Variants in PITPNM2 observed in about 807,000 individuals in gnomAD.
PITPNM2 encodes phosphatidylinositol transfer protein membrane associated 2, also known as membrane-associated phosphatidylinositol transfer protein 2.
In PITPNM2, 35 loss-of-function variants were observed where a neutral mutation model predicts 132.2. That is an observed-to-expected ratio of 0.26 (90% confidence interval 0.20 to 0.35). The LOEUF (loss-of-function observed/expected upper bound fraction) is 0.35, where lower values mean the gene tolerates loss of function less well. Among genes scored for constraint, PITPNM2 ranks in the 10% least tolerant of loss-of-function variants. PITPNM2 has a pLI of 1.00. For missense variants in PITPNM2, 1,332 were observed against 1,912.0 expected, an observed-to-expected ratio of 0.70 and a Z score of 5.66; for synonymous variants, 738 against 799.2, an observed-to-expected ratio of 0.92 and a Z score of 1.29.
chr12:122,997,207 G>A, intron 11 of PITPNM2, 118 bp downstream of exon 11: 1 of 1,461,792 alleles, frequency 6.8e-7, no homozygotes, highest in Admixed American at 1.9e-5. Context: ...GAAGGGGCTG[G>A]CCGGTGGGTC....
chr12:123,134,128 T>C (rs1015156088), intron 1 of PITPNM2, among the ~76,000 whole-genome samples: 1 of 152,108 alleles, frequency 6.6e-6, no homozygotes, highest in African/African-American at 2.4e-5. Flanking sequence ...TGCAGAGGCG[T>C]GATCTTGGCT....
At position 123,106,425 on chromosome 12, in the gene PITPNM2, G is replaced by A. The variant is rs2042712999; in HGVS notation, c.-96+3960C>T. On this transcript the variant is annotated intron_variant, in intron 2 of 25. Coordinates refer to ENST00000320201, the MANE Select transcript of PITPNM2 (RefSeq NM_020845.3). The surrounding 1 kb of genome is among the most constrained non-coding windows in gnomAD (Gnocchi z 4.4). ...ATAATTCCTTTAAAAAAAAAAACAGGAAGAAAAGAAAGTACATTCTCAGGA... is the reference window on the plus strand; with the variant it reads ...ATAATTCCTTTAAAAAAAAAAACAGAAAGAAAAGAAAGTACATTCTCAGGA... Among the ~76,000 whole-genome samples the A allele has an allele frequency of 1.3e-5, 2 of 151,894 alleles. No homozygotes were observed. The highest frequency in any genetic ancestry group is 2.1e-4 in the South Asian group (1 of 4,812).
intron 2 of PITPNM2, chr12:123,081,654 A>G (rs1232395119): frequency 1.3e-5 from 2 of 152,234 alleles, no homozygotes; most frequent in Admixed American, 6.5e-5. Context: ...AACTTCTCCA[A>G]CAGGGCGGGG....
chr12:123,020,373 C>T (rs993573569), intron 3 of PITPNM2, among the ~76,000 whole-genome samples: 4 of 151,994 alleles, frequency 2.6e-5, no homozygotes, highest in African/African-American at 4.8e-5. Context: ...TGCCCGCCTC[C>T]GCCTCCCAAA....
chr12:123,143,433 A>C (rs534239034), intron 1 of PITPNM2, among the ~76,000 whole-genome samples: 4 of 152,228 alleles, frequency 2.6e-5, no homozygotes, highest in African/African-American at 9.6e-5. Context: ...AAGGGGAAAT[A>C]AACAGCTCTG....
rs2042369569 is a variant in PITPNM2 at position 123,095,012 on chromosome 12, T to G, written c.-96+15373A>C. ...TCGTGGCGCACTGAAGCAAGCATGT[T>G]TATCCTTCCCTCATACAACACTTTT... On this transcript the variant is annotated intron_variant, in intron 2 of 25. Coordinates refer to ENST00000320201, the MANE Select transcript of PITPNM2 (RefSeq NM_020845.3). The surrounding 1 kb of genome is among the most constrained non-coding windows in gnomAD (Gnocchi z 5.0). Among the ~76,000 whole-genome samples, 1 of 152,232 alleles carries G rather than the reference T, an allele frequency of 6.6e-6. No individual in the cohort carries two copies. Among genetic ancestry groups the G allele is most frequent in the African/African-American group, 2.4e-5 (1 of 41,462 alleles).
At chr12:123,071,531 C>A (rs1035676440) in intron 2 of PITPNM2, among the ~76,000 whole-genome samples, 3 of 152,208 alleles carry the variant, frequency 2.0e-5, no homozygotes, top group African/African-American at 7.2e-5. Context: ...GATGATCACA[C>A]CTCCTGACAG....
In PITPNM2 at chr12:122,988,602, G is replaced by C. The variant is rs1024397091; in HGVS notation, c.2880+122C>G. On this transcript the variant is annotated intron_variant, in intron 19 of 25. Coordinates refer to ENST00000320201, the MANE Select transcript of PITPNM2 (RefSeq NM_020845.3). ...CCGAGCATAAAGGTGCCCTCATCTT[G>C]CTTGCTCTGTGATCTGATGGGGTTG... is the stretch of plus-strand genomic sequence containing the variant. The C allele has an allele frequency of 9.1e-6, 10 of 1,101,770 alleles. No homozygotes were observed. In the East Asian group the frequency reaches 2.3e-4, roughly 26 times the overall value. The allele number at this position is 1,101,770 out of a possible 1,614,324, so 68.2% of individuals were successfully genotyped here. A position where few individuals can be genotyped will look rare whatever the true frequency, so the allele number is the denominator to read the frequency against.
intron 2 of PITPNM2, among the ~76,000 whole-genome samples, chr12:123,063,682 G>A (rs990800601): frequency 2.0e-5 from 3 of 152,118 alleles, no homozygotes; most frequent in African/African-American, 7.2e-5. Flanking sequence ...CACGAGACCA[G>A]GCTCCAGGTC....
intron 1 of PITPNM2, among the ~76,000 whole-genome samples, chr12:123,147,542 A>C (rs2043642846): frequency 1.3e-5 from 2 of 152,198 alleles, no homozygotes; most frequent in Admixed American, 1.3e-4. Context: ...TAAAGAATAT[A>C]TATAGAGAGA....
rs2039713138 is a variant in PITPNM2 at position 123,022,652 on chromosome 12, G to A, written c.79-8610C>T. 1.3e-5 allele frequency among the ~76,000 whole-genome samples: 2 copies of A among 152,232 alleles called. 1 individual carries two copies. Among genetic ancestry groups the A allele is most frequent in the South Asian group, 4.1e-4 (2 of 4,830 alleles). On this transcript the variant is annotated intron_variant, in intron 3 of 25. Coordinates refer to ENST00000320201, the MANE Select transcript of PITPNM2 (RefSeq NM_020845.3). The surrounding 1 kb of genome is among the most constrained non-coding windows in gnomAD (Gnocchi z 4.9). ...CACAAGTAAGAAACTGAGGCACAGA[G>A]TACTGGAGCCAAGTCTCCCAGGCCA... is the stretch of plus-strand genomic sequence containing the variant.
At chr12:123,026,354 G>T (rs1165560895) in intron 3 of PITPNM2, among the ~76,000 whole-genome samples, 1 of 152,258 alleles carries the variant, frequency 6.6e-6, no homozygotes, top group Non-Finnish European at 1.5e-5. Flanking sequence ...AAGAGACAAG[G>T]AAGGGTCTAC....
At chr12:123,129,441 G>A (rs2043215658) in intron 1 of PITPNM2, among the ~76,000 whole-genome samples, 1 of 151,842 alleles carries the variant, frequency 6.6e-6, no homozygotes, top group African/African-American at 2.4e-5. Context: ...ATGGTGGCGG[G>A]TGCCTGTAGT....
intron 3 of PITPNM2, 84 bp downstream of exon 3, chr12:123,034,429 C>A: frequency 7.5e-7 from 1 of 1,330,704 alleles, no homozygotes; most frequent in Non-Finnish European, 1.1e-6. Flanking sequence ...GTGAAGGCCA[C>A]AACTCCACCT....
rs1555294054 is a variant in PITPNM2, at chr12:123,067,499, G to A, written c.-95-32814C>T. ...CACACACACACACACACACACACAC[G>A]CAAAAGAAGAAGAGGAGAGGACACA... is the stretch of plus-strand genomic sequence containing the variant. On this transcript the variant is annotated intron_variant, in intron 2 of 25. Transcript: ENST00000320201. 6.0e-5 allele frequency among the ~76,000 whole-genome samples: 8 copies of A among 133,914 alleles called. No homozygotes were observed. The South Asian group carries it at 1.0e-3, about 17-fold the overall frequency. The allele number at this position is 133,914 out of a possible 152,430, so 87.9% of individuals were successfully genotyped here.
chr12:123,012,841 T>G lies in PITPNM2; in HGVS notation c.294-107A>C. The G allele has an allele frequency of 4.1e-6, 6 of 1,463,722 alleles. No individual in the cohort carries two copies. In the South Asian group the frequency reaches 7.7e-5, roughly 19 times the overall value. The allele number at this position is 1,463,722 out of a possible 1,614,324, so 90.7% of individuals were successfully genotyped here. On this transcript the variant is annotated intron_variant, in intron 4 of 25. Transcript: ENST00000320201. ...TAGGAGTGGAGCTGGTGAGCGGGCATGGAAGGAGGGTGGAGGGTAGCCGAG... is the reference window on the plus strand; with the variant it reads ...TAGGAGTGGAGCTGGTGAGCGGGCAGGGAAGGAGGGTGGAGGGTAGCCGAG...
intron 2 of PITPNM2, among the ~76,000 whole-genome samples, chr12:123,102,898 T>C (rs2042599098): frequency 6.6e-6 from 1 of 152,172 alleles, no homozygotes; most frequent in South Asian, 2.1e-4. Flanking sequence ...CAACCTTCCT[T>C]GCCCGTTGTA....
intron 11 of PITPNM2, 59 bp from the exon 12 acceptor site, chr12:122,996,969 CT>C: frequency 1.4e-6 from 2 of 1,433,430 alleles, no homozygotes; most frequent in Non-Finnish European, 9.4e-7. Context: ...CAAAGGGCCC[CT>C]CTCCCCTGAC....
Position 122,986,830 on chromosome 12 carries a change from C to T in PITPNM2, c.3414-1G>A, listed in dbSNP as rs901451353. The T allele has an allele frequency of 6.2e-7, 1 of 1,607,766 alleles. No individual in the cohort carries two copies. Among genetic ancestry groups the T allele is most frequent in the Non-Finnish European group, 8.5e-7 (1 of 1,176,866 alleles). On this transcript the variant is annotated splice_acceptor_variant, in intron 23 of 25. Transcript: ENST00000320201. LOFTEE classifies it high-confidence loss of function. ...GAGGTAGCCCAGGTCCTGCCAGTGC[C>T]TGGGGGTGAGGTGTCGTCTCATGGT...
Sources: allele counts gnomAD v4.1 joint callset (sites outside exome capture counted in the v4.1 genomes callset), GRCh38; gene constraint gnomAD v4.1.1; non-coding constraint Gnocchi (gnomAD v3.1); transcripts MANE v1.5; gene names NCBI Gene and HGNC (gene_info 2026-07-23, HGNC 2026-07-21).